Variants in TLE1 observed in about 807,000 individuals in gnomAD.
The protein encoded by TLE1 is transducin-like enhancer protein 1.
In TLE1, 21 loss-of-function variants were observed where a neutral mutation model predicts 89.8. The ratio of observed to expected loss-of-function variants is 0.23; its 90% CI spans 0.17 to 0.34. The LOEUF (loss-of-function observed/expected upper bound fraction) is 0.34, where lower values mean the gene tolerates loss of function less well. TLE1 is among the 10% of genes least tolerant of loss of function. The pLI, the probability that TLE1 is intolerant of heterozygous loss-of-function variation, is 1.00. For synonymous variants in TLE1, 447 were observed against 407.6 expected, an observed-to-expected ratio of 1.10 and a Z score of -1.16; for missense variants, 795 against 1,031.2, an observed-to-expected ratio of 0.77 and a Z score of 3.14.
rs1316253224 is a variant in TLE1, at chr9:81,585,646, G to A, written c.1987C>T (p.Leu663=). 1 of 1,613,938 alleles carries A rather than the reference G, an allele frequency of 6.2e-7. No homozygotes were observed. The highest frequency in any genetic ancestry group is 8.5e-7 in the Non-Finnish European group (1 of 1,179,972). ...QHDFTSQIFS[L]GYCPTGEWLA... ...CACTCCCCGGTGGGGCAGTACCCCAGGGAGAAGATCTACAAGGAGCAAGAC... is the reference window on the plus strand; with the variant it reads ...CACTCCCCGGTGGGGCAGTACCCCAAGGAGAAGATCTACAAGGAGCAAGAC... The change falls in exon 18 of 20, where the codon CTG becomes TTG. Residue 663 remains leucine (L), a synonymous_variant. Coordinates refer to ENST00000376499, the MANE Select transcript of TLE1 (RefSeq NM_005077.5).
chr9:81,637,902 T>C (rs1157740868), intron 6 of TLE1, among the ~76,000 whole-genome samples: 2 of 152,126 alleles, frequency 1.3e-5, no homozygotes, highest in Non-Finnish European at 2.9e-5. Context: ...CGATACTGGC[T>C]CAAAGCCAAG....
chr9:81,666,421 A>G (rs1181521524), intron 4 of TLE1, among the ~76,000 whole-genome samples: 1 of 152,168 alleles, frequency 6.6e-6, no homozygotes, highest in East Asian at 1.9e-4. Flanking sequence ...TAGTGGGAGG[A>G]AAAGTAGACT....
intron 14 of TLE1, chr9:81,600,256 C>A: frequency 1.7e-6 from 1 of 575,510 alleles, no homozygotes; most frequent in Non-Finnish European, 3.2e-6. Context: ...CGAGCATTAT[C>A]CAAGCAAGAA....
At position 81,653,961 on chromosome 9, in the gene TLE1, C is replaced by G; in HGVS notation, c.297+13G>C. ...ACATAATTGCACTTTAACAGCTGAACAATTTTACTTACTTCCTGAGACAGA... is the reference window on the plus strand; with the variant it reads ...ACATAATTGCACTTTAACAGCTGAAGAATTTTACTTACTTCCTGAGACAGA... On this transcript the variant is annotated intron_variant, in intron 5 of 19. Transcript: ENST00000376499. 6.2e-7 allele frequency: 1 copy of G among 1,613,258 alleles called. No individual in the cohort carries two copies. The highest frequency in any genetic ancestry group is 8.5e-7 in the Non-Finnish European group (1 of 1,179,442).
intron 14 of TLE1, among the ~76,000 whole-genome samples, chr9:81,608,135 G>A (rs926289969): frequency 2.6e-5 from 4 of 152,232 alleles, no homozygotes; most frequent in Middle Eastern, 3.4e-3. Context: ...CATGCTGGGC[G>A]TGGTGGCTCA....
At chr9:81,640,979 C>T (rs1828037295) in intron 6 of TLE1, among the ~76,000 whole-genome samples, 1 of 152,318 alleles carries the variant, frequency 6.6e-6, no homozygotes, top group Admixed American at 6.5e-5. Flanking sequence ...ATAAAAATCA[C>T]AGACTTAACC....
rs955819733 is a variant in TLE1 at position 81,689,527 on chromosome 9, G to C, written c.-1287C>G. Among the ~76,000 whole-genome samples the C allele has an allele frequency of 9.2e-5, 14 of 152,102 alleles. No individual in the cohort carries two copies. Among genetic ancestry groups the C allele is most frequent in the African/African-American group, 3.1e-4 (13 of 41,426 alleles). On this transcript the variant is annotated 5_prime_UTR_variant, in exon 1 of 20. Transcript: ENST00000376499. ...CGCTCCCACCGCCGCCGCCGCCCGC[G>C]CCTCTCGCGCCGCTTACATTAACAC...
intron 4 of TLE1, among the ~76,000 whole-genome samples, chr9:81,656,029 G>A (rs968724616): frequency 6.6e-6 from 1 of 152,142 alleles, no homozygotes; most frequent in South Asian, 2.1e-4. Flanking sequence ...CCACCAATGA[G>A]ACAAGGTTAC....
chr9:81,606,882 T>C (rs1831744654), intron 14 of TLE1, among the ~76,000 whole-genome samples: 1 of 151,856 alleles, frequency 6.6e-6, no homozygotes, highest in Non-Finnish European at 1.5e-5. Flanking sequence ...TGATATTAAG[T>C]CTATCTTCCT....
chr9:81,654,091 G>A lies in TLE1; in HGVS notation c.235-55C>T, dbSNP rs1829873582. 9.6e-6 allele frequency: 15 copies of A among 1,562,890 alleles called. No individual in the cohort carries two copies. The South Asian group carries it at 1.6e-4, about 16-fold the overall frequency. On this transcript the variant is annotated intron_variant, in intron 4 of 19. Transcript: ENST00000376499. ...GAATACTTCACAATCAGTTCAGAAAGGTAAAACTTCATACCCCTAACACTT... is the reference window on the plus strand; with the variant it reads ...GAATACTTCACAATCAGTTCAGAAAAGTAAAACTTCATACCCCTAACACTT...
At chr9:81,586,020 T>TC in intron 17 of TLE1, among the ~76,000 whole-genome samples, 1 of 89,374 alleles carries the variant, frequency 1.1e-5, no homozygotes, top group African/African-American at 4.2e-5. Context: ...TAGGTGACTT[T>TC]TTTTTTTTTT....
At position 81,652,633 on chromosome 9, in the gene TLE1, T is replaced by C. The variant is rs187073003; in HGVS notation, c.298-345A>G. 2.7e-3 allele frequency among the ~76,000 whole-genome samples: 407 copies of C among 152,306 alleles called. 1 individual carries two copies. Among genetic ancestry groups the C allele is most frequent in the Non-Finnish European group, 3.8e-3 (261 of 68,026 alleles). On this transcript the variant is annotated intron_variant, in intron 5 of 19. Coordinates refer to ENST00000376499, the MANE Select transcript of TLE1 (RefSeq NM_005077.5). Reference sequence around the variant, plus strand: ...CACCCTTGTTCACAAAAGGGGTTCATAAGTTTACAGCAATTTTAAAATATG... The same window carrying C: ...CACCCTTGTTCACAAAAGGGGTTCACAAGTTTACAGCAATTTTAAAATATG...
intron 1 of TLE1, 94 bp from the exon 2 acceptor site, chr9:81,687,528 AC>A: frequency 5.4e-6 from 5 of 933,342 alleles, no homozygotes; most frequent in Non-Finnish European, 8.4e-6. Context: ...TGGGACATAA[AC>A]ATAAAGTTAG....
intron 12 of TLE1, among the ~76,000 whole-genome samples, chr9:81,612,972 C>A (rs996187398): frequency 5.9e-5 from 9 of 152,170 alleles, no homozygotes; most frequent in African/African-American, 2.2e-4. Context: ...GCAAGAGAAT[C>A]GCTTGAACCC....
At chr9:81,615,556 A>C (rs1221445660) in intron 11 of TLE1, among the ~76,000 whole-genome samples, 1 of 149,432 alleles carries the variant, frequency 6.7e-6, no homozygotes, top group Non-Finnish European at 1.5e-5. Context: ...AAAAAAAAAA[A>C]AAAAAAATTA....
intron 6 of TLE1, among the ~76,000 whole-genome samples, chr9:81,636,283 G>T (rs1354082912): frequency 6.6e-6 from 1 of 152,072 alleles, no homozygotes; most frequent in African/African-American, 2.4e-5. Flanking sequence ...TAAAACTGAA[G>T]AAGCTTGCAG....
chr9:81,621,953 A>G (rs747568083), intron 8 of TLE1, among the ~76,000 whole-genome samples: 13 of 152,168 alleles, frequency 8.5e-5, no homozygotes, highest in Admixed American at 2.0e-4. Context: ...GACCAACGCA[A>G]TTCAATATAG....
intron 4 of TLE1, among the ~76,000 whole-genome samples, chr9:81,675,324 GAC>G (rs1832738588): frequency 7.0e-6 from 1 of 143,256 alleles, no homozygotes; most frequent in Admixed American, 6.9e-5. Flanking sequence ...ACTATGTAAA[GAC>G]TAAGTAAATA....
At position 81,687,330 on chromosome 9, in the gene TLE1, G is replaced by T. The variant is rs748709411; in HGVS notation, c.125+4C>A. 5 of 1,600,284 alleles carry T rather than the reference G, an allele frequency of 3.1e-6. No homozygotes were observed. Among genetic ancestry groups the T allele is most frequent in the Non-Finnish European group, 4.3e-6 (5 of 1,174,890 alleles). On this transcript the variant is annotated splice_donor_region_variant and intron_variant, in intron 2 of 19. Coordinates refer to ENST00000376499, the MANE Select transcript of TLE1 (RefSeq NM_005077.5). Reference sequence around the variant, plus strand: ...CCACTCGCATGGCGCGGCCGGACACGCACCTGTGATACTGCGCCTGCAGGA... The same window carrying T: ...CCACTCGCATGGCGCGGCCGGACACTCACCTGTGATACTGCGCCTGCAGGA...
Sources: allele counts gnomAD v4.1 joint callset (sites outside exome capture counted in the v4.1 genomes callset), GRCh38; gene constraint gnomAD v4.1.1; transcripts MANE v1.5; gene names NCBI Gene and HGNC (gene_info 2026-07-23, HGNC 2026-07-21).